AMBRA1: variants seen among roughly 807,000 people sequenced by gnomAD.
AMBRA1 encodes autophagy and beclin 1 regulator 1.
In AMBRA1, 47 loss-of-function variants were observed where a neutral mutation model predicts 125.4. The observed-to-expected ratio is 0.37, with a 90% CI of 0.30 to 0.48. The LOEUF (loss-of-function observed/expected upper bound fraction) is 0.48. Ranked by LOEUF, AMBRA1 falls within the 20% of genes least tolerant of loss-of-function variation. The pLI is 0.99. For missense variants in AMBRA1, 1,331 were observed against 1,693.4 expected (o/e 0.79, Z 3.76); for synonymous variants, 626 against 655.5 (o/e 0.95, Z 0.69).
At chr11:46,426,441 CAATA>C (rs1359308234) in intron 14 of AMBRA1, among the ~76,000 whole-genome samples, 2 of 152,098 alleles carry the variant, frequency 1.3e-5, no homozygotes, top group African/African-American at 2.4e-5. Flanking sequence ...GACAGGGGCT[CAATA>C]AAGTTTTTTT....
chr11:46,588,763 G>A (rs1328859610), intron 1 of AMBRA1, among the ~76,000 whole-genome samples: 3 of 135,356 alleles, frequency 2.2e-5, no homozygotes, highest in Non-Finnish European at 3.1e-5. Context: ...CAACAAGAGC[G>A]AAACTCCATC....
chr11:46,558,576 C>T (rs61882749), intron 1 of AMBRA1, among the ~76,000 whole-genome samples: 1 of 139,674 alleles, frequency 7.2e-6, no homozygotes, highest in Admixed American at 7.1e-5. Flanking sequence ...AAAAAAAAAC[C>T]ACTACCTACC....
intron 11 of AMBRA1, among the ~76,000 whole-genome samples, chr11:46,477,593 C>T (rs1286272668): frequency 6.6e-6 from 1 of 152,096 alleles, no homozygotes; most frequent in Non-Finnish European, 1.5e-5. Context: ...CCACCTTGGC[C>T]TACTGTGCTG....
chr11:46,444,477 T>C (rs535774598), intron 11 of AMBRA1, among the ~76,000 whole-genome samples: 6 of 152,340 alleles, frequency 3.9e-5, no homozygotes, highest in Admixed American at 3.9e-4. Flanking sequence ...CTGAGGTGCA[T>C]TTCATACACA....
chr11:46,475,387 G>A (rs926829107), intron 11 of AMBRA1, among the ~76,000 whole-genome samples: 3 of 152,172 alleles, frequency 2.0e-5, no homozygotes, highest in African/African-American at 7.2e-5. Context: ...GTTCCAGGTT[G>A]GAAAAGGAAC....
In AMBRA1 at chr11:46,408,638, C is replaced by T. The variant is rs768258869; in HGVS notation, c.3278G>A (p.Arg1093Gln). The T allele has an allele frequency of 1.1e-5, 17 of 1,607,470 alleles. No homozygotes were observed. The highest frequency in any genetic ancestry group is 5.5e-5 in the South Asian group (5 of 90,530). The change falls in exon 17 of 18, where the codon CGG becomes CAG. Residue 1093 changes from arginine (R) to glutamine (Q), a missense_variant. By Grantham distance (43) the Arg-to-Gln change is conservative. Transcript: ENST00000683756. ...AGATGTCACTGAGGTGGCAGGGTTC[C>T]GGGGCTGAAGCCCAATGGCATTCAT... ...GLMNAIGLQP[R>Q]NPATSVTSQG...
intron 1 of AMBRA1, among the ~76,000 whole-genome samples, chr11:46,556,121 TA>T (rs1263322831): frequency 6.6e-6 from 1 of 152,250 alleles, no homozygotes; most frequent in Non-Finnish European, 1.5e-5. Flanking sequence ...ATTAGAAGCC[TA>T]AAACTGCCCC....
rs532875754 is a variant in AMBRA1 at position 46,573,369 on chromosome 11, A to C, written c.-121+20459T>G. On this transcript the variant is annotated intron_variant, in intron 1 of 17. Transcript: ENST00000683756. ...CAGTGAGCCGAGATCAAGCCACTAC[A>C]CTCCAGCCTGGGCGACAGAGTGAGA... Among the ~76,000 whole-genome samples the C allele has an allele frequency of 5.3e-5, 8 of 149,724 alleles. No homozygotes were observed. The South Asian group carries it at 1.7e-3, about 32-fold the overall frequency.
chr11:46,416,085 G>A (rs1442562090), intron 15 of AMBRA1, among the ~76,000 whole-genome samples: 1 of 152,222 alleles, frequency 6.6e-6, no homozygotes, highest in African/African-American at 2.4e-5. Flanking sequence ...CAACACTGCT[G>A]AGGAAAGAGG....
intron 1 of AMBRA1, among the ~76,000 whole-genome samples, chr11:46,552,320 G>A (rs909221723): frequency 3.4e-5 from 4 of 117,870 alleles, no homozygotes; most frequent in African/African-American, 1.3e-4. Flanking sequence ...AGTGAGCCAA[G>A]ATGGCACCAC....
intron 14 of AMBRA1, among the ~76,000 whole-genome samples, chr11:46,426,281 A>G (rs141587291): frequency 1.5e-3 from 223 of 152,228 alleles, no homozygotes; most frequent in African/African-American, 5.0e-3. Context: ...TTAGGAAGCA[A>G]ACGTTGCATG....
In AMBRA1 at chr11:46,397,779, G is replaced by A. The variant is rs201354368; in HGVS notation, c.3568C>T (p.Arg1190Cys). 4.3e-6 allele frequency: 7 copies of A among 1,611,206 alleles called. No homozygotes were observed. Among genetic ancestry groups the A allele is most frequent in the East Asian group, 2.2e-5 (1 of 44,882 alleles). Residue 1190 changes from arginine to cysteine, a missense_variant, in exon 18 of 18, where the codon CGC becomes TGC. This residue lies in a region of AMBRA1 where 354 missense variants were observed against 532.7 expected (regional missense o/e 0.66). Coordinates refer to ENST00000683756, the MANE Select transcript of AMBRA1 (RefSeq NM_001387011.1). The part of the protein sequence containing the change: ...NNIIVSHRIH[R>C]SSQTGTEPGA... ...GGTTCAGTGCCCGTCTGAGAGCTGC[G>A]GTGAATGCGGTGGCTGACGATGATG...
intron 1 of AMBRA1, among the ~76,000 whole-genome samples, chr11:46,592,715 G>T (rs866456345): frequency 4.6e-5 from 7 of 151,668 alleles, no homozygotes. Flanking sequence ...CCAAGATCGC[G>T]CCACTGCACT....
chr11:46,585,619 T>TCACGC (rs2044343997), intron 1 of AMBRA1, among the ~76,000 whole-genome samples: 1 of 102,766 alleles, frequency 9.7e-6, no homozygotes, highest in East Asian at 3.1e-4. Flanking sequence ...TGAGCTGAGA[T>TCACGC]CACGCCACTG....
chr11:46,588,379 A>G (rs531445808), intron 1 of AMBRA1, among the ~76,000 whole-genome samples: 6 of 152,304 alleles, frequency 3.9e-5, no homozygotes, highest in African/African-American at 1.4e-4. Flanking sequence ...CTTAAATAAC[A>G]TCTGTTCATT....
intron 7 of AMBRA1, among the ~76,000 whole-genome samples, chr11:46,540,347 T>C (rs1952679238): frequency 6.6e-6 from 1 of 152,178 alleles, no homozygotes. Flanking sequence ...TTAAAGTGCC[T>C]ACTACATGTC....
At chr11:46,415,381 T>C (rs186136415) in intron 15 of AMBRA1, among the ~76,000 whole-genome samples, 53 of 152,360 alleles carry the variant, frequency 3.5e-4, no homozygotes, top group Admixed American at 3.0e-3. Flanking sequence ...GTGTGTGTTA[T>C]TGTGGCATAT....
At chr11:46,537,833 A>G (rs932105987) in intron 7 of AMBRA1, among the ~76,000 whole-genome samples, 9 of 152,226 alleles carry the variant, frequency 5.9e-5, no homozygotes, top group African/African-American at 2.2e-4. Flanking sequence ...ATCTTCTACT[A>G]TAAGGCCAAT....
intron 1 of AMBRA1, among the ~76,000 whole-genome samples, chr11:46,584,325 A>C (rs1339757361): frequency 1.4e-5 from 2 of 140,800 alleles, no homozygotes; most frequent in Non-Finnish European, 3.0e-5. Flanking sequence ...TTGAGCAATG[A>C]GAACACATGG....
Sources: allele counts gnomAD v4.1 joint callset (sites outside exome capture counted in the v4.1 genomes callset), GRCh38; gene constraint gnomAD v4.1.1; regional missense constraint gnomAD v4.1.1; transcripts MANE v1.5; gene names NCBI Gene and HGNC (gene_info 2026-07-23, HGNC 2026-07-21).